Variants in GLG1 observed in about 807,000 individuals in gnomAD.
GLG1 encodes Golgi apparatus protein 1.
A neutral mutation model predicts 160.5 loss-of-function variants in GLG1; 38 were observed. The observed-to-expected ratio is 0.24, with a 90% CI of 0.18 to 0.31. The LOEUF (loss-of-function observed/expected upper bound fraction) is 0.31. Among genes scored for constraint, GLG1 ranks in the 10% least tolerant of loss-of-function variants. The probability of loss-of-function intolerance (pLI) is 1.00; values close to 1 mark genes in which losing one functional copy is unlikely to be tolerated. For missense variants in GLG1, 1,373 were observed against 1,505.2 expected (o/e 0.91, Z 1.45); for synonymous variants, 644 against 543.4 (o/e 1.19, Z -2.57).
intron 5 of GLG1, 136 bp from the exon 6 acceptor site, chr16:74,494,967 T>C: frequency 2.1e-6 from 1 of 469,216 alleles, no homozygotes; most frequent in South Asian, 3.9e-5. Context: ...CTTCCATTTA[T>C]AAAATTTAAT....
intron 1 of GLG1, among the ~76,000 whole-genome samples, chr16:74,593,268 C>T (rs1281671847): frequency 1.3e-5 from 2 of 152,144 alleles, no homozygotes; most frequent in Non-Finnish European, 2.9e-5. Context: ...TTAAAATTCT[C>T]CATTACACCC....
At chr16:74,577,601 C>A (rs748967759) in intron 1 of GLG1, among the ~76,000 whole-genome samples, 4 of 150,820 alleles carry the variant, frequency 2.7e-5, no homozygotes, top group Non-Finnish European at 5.9e-5. Context: ...TGACTTCACA[C>A]GAAAACATTC....
At chr16:74,499,374 G>A (rs1212800730) in intron 4 of GLG1, among the ~76,000 whole-genome samples, 1 of 152,134 alleles carries the variant, frequency 6.6e-6, no homozygotes, top group African/African-American at 2.4e-5. Context: ...CCAAGCAGCT[G>A]GGACTAGAAG....
intron 2 of GLG1, among the ~76,000 whole-genome samples, chr16:74,521,183 G>C (rs144264522): frequency 8.8e-4 from 134 of 152,332 alleles, no homozygotes; most frequent in African/African-American, 3.0e-3. Flanking sequence ...TGTGGCTTAA[G>C]TAGAGGTGGC....
At chr16:74,499,827 C>A (rs1002514766) in intron 4 of GLG1, among the ~76,000 whole-genome samples, 1 of 152,156 alleles carries the variant, frequency 6.6e-6, no homozygotes, top group African/African-American at 2.4e-5. Flanking sequence ...CACTGTGAAA[C>A]CCCGTCTCTA....
At chr16:74,551,665 A>T (rs2018202701) in intron 1 of GLG1, among the ~76,000 whole-genome samples, 2 of 150,668 alleles carry the variant, frequency 1.3e-5, no homozygotes, top group African/African-American at 4.9e-5. Flanking sequence ...CAGTTGGCTA[A>T]TTTGGGAAGA....
intron 1 of GLG1, among the ~76,000 whole-genome samples, chr16:74,559,851 T>C (rs964809514): frequency 2.6e-5 from 4 of 152,336 alleles, no homozygotes; most frequent in East Asian, 3.9e-4. Flanking sequence ...CATAATTTTA[T>C]TTTGAATTTA....
At chr16:74,589,018 G>C (rs1325194000) in intron 1 of GLG1, among the ~76,000 whole-genome samples, 2 of 151,536 alleles carry the variant, frequency 1.3e-5, no homozygotes, top group East Asian at 1.9e-4. Context: ...GAGGGGGGTG[G>C]ATAACTTCAA....
At chr16:74,597,770 C>T (rs764510076) in intron 1 of GLG1, among the ~76,000 whole-genome samples, 2 of 150,918 alleles carry the variant, frequency 1.3e-5, no homozygotes, top group African/African-American at 4.9e-5. Context: ...AGGAGAATGG[C>T]GTGAACCCGG....
chr16:74,506,439 A>C (rs192227656), intron 3 of GLG1, among the ~76,000 whole-genome samples: 1 of 150,496 alleles, frequency 6.6e-6, no homozygotes, highest in Non-Finnish European at 1.5e-5. Flanking sequence ...AAAATTAGCC[A>C]TGTGTGGTAG....
chr16:74,490,888 G>T, intron 8 of GLG1, 113 bp downstream of exon 8: 1 of 720,756 alleles, frequency 1.4e-6, no homozygotes, highest in Non-Finnish European at 2.4e-6. Context: ...AGTACCTAAT[G>T]TTCAATGTGA....
At chr16:74,500,483 A>G (rs1017494986) in intron 4 of GLG1, among the ~76,000 whole-genome samples, 5 of 152,174 alleles carry the variant, frequency 3.3e-5, no homozygotes, top group African/African-American at 1.2e-4. Flanking sequence ...AAAACAAAAA[A>G]AAAAACCAAC....
At chr16:74,560,247 G>A (rs1289686650) in intron 1 of GLG1, among the ~76,000 whole-genome samples, 1 of 151,720 alleles carries the variant, frequency 6.6e-6, no homozygotes, top group Non-Finnish European at 1.5e-5. Context: ...CAAAAAGGCT[G>A]AAGCTCCCCC....
chr16:74,534,989 G>A (rs1272875160), intron 1 of GLG1, among the ~76,000 whole-genome samples: 1 of 152,174 alleles, frequency 6.6e-6, no homozygotes, highest in Non-Finnish European at 1.5e-5. Flanking sequence ...TGCCTGGGTA[G>A]TTTGGCCTGT....
chr16:74,495,819 C>G (rs1357579888), intron 5 of GLG1, among the ~76,000 whole-genome samples: 1 of 152,142 alleles, frequency 6.6e-6, no homozygotes, highest in Non-Finnish European at 1.5e-5. Context: ...AAGTGGAGAT[C>G]ATTAGAAGCC....
At chr16:74,474,403 G>T in intron 13 of GLG1, 143 bp downstream of exon 13, 1 of 636,338 alleles carries the variant, frequency 1.6e-6, no homozygotes. Flanking sequence ...TCTTTATAAA[G>T]CAAACATGGA....
At chr16:74,479,275 T>C (rs1369007448) in intron 11 of GLG1, among the ~76,000 whole-genome samples, 1 of 147,692 alleles carries the variant, frequency 6.8e-6, no homozygotes, top group East Asian at 2.0e-4. Flanking sequence ...TTATGTTATG[T>C]GAATTTCACC....
At chr16:74,517,171 G>A (rs1426704200) in intron 2 of GLG1, among the ~76,000 whole-genome samples, 1 of 152,108 alleles carries the variant, frequency 6.6e-6, no homozygotes, top group African/African-American at 2.4e-5. Context: ...CCAATCAATA[G>A]AAAAAGAGAG....
chr16:74,592,124 G>A (rs749348214), intron 1 of GLG1, among the ~76,000 whole-genome samples: 4 of 152,016 alleles, frequency 2.6e-5, no homozygotes, highest in Non-Finnish European at 5.9e-5. Context: ...ACTGTGCCTG[G>A]CCTTCTGTAA....
Sources: allele counts gnomAD v4.1 joint callset (sites outside exome capture counted in the v4.1 genomes callset), GRCh38; gene constraint gnomAD v4.1.1; transcripts MANE v1.5; gene names NCBI Gene and HGNC (gene_info 2026-07-23, HGNC 2026-07-21).